FRK: variants seen among roughly 807,000 people sequenced by gnomAD.
FRK encodes the protein fyn related Src family tyrosine kinase.
FRK carries 51 observed loss-of-function variants against 56.4 expected under a neutral mutation model. The ratio of observed to expected loss-of-function variants is 0.90; its 90% confidence interval spans 0.72 to 1.14. FRK has a LOEUF of 1.14. FRK is among the 50% of genes most tolerant of loss of function. The probability of loss-of-function intolerance (pLI) is 0.00; values close to 1 mark genes in which losing one functional copy is unlikely to be tolerated. For synonymous variants in FRK, 245 were observed against 217.9 expected (o/e 1.12, Z -1.10); for missense variants, 570 against 601.4 (o/e 0.95, Z 0.55).
At chr6:115,966,794 T>A (rs1773596713) in intron 4 of FRK, among the ~76,000 whole-genome samples, 1 of 152,186 alleles carries the variant, frequency 6.6e-6, no homozygotes, top group Non-Finnish European at 1.5e-5. Context: ...ATTTACTGAC[T>A]TTTTCCTTAT....
At chr6:116,019,199 A>T (rs1052136875) in intron 1 of FRK, among the ~76,000 whole-genome samples, 172 of 152,210 alleles carry the variant, frequency 1.1e-3, no homozygotes, top group African/African-American at 4.1e-3. Flanking sequence ...ATGTAAGCTC[A>T]AGAGAGTGGA....
chr6:116,005,207 T>G (rs1295375321), intron 1 of FRK, among the ~76,000 whole-genome samples: 1 of 152,194 alleles, frequency 6.6e-6, no homozygotes, highest in Non-Finnish European at 1.5e-5. Flanking sequence ...TAAATTACAG[T>G]ACATTAACTG....
intron 2 of FRK, among the ~76,000 whole-genome samples, chr6:115,995,894 A>G (rs1028350173): frequency 5.9e-5 from 9 of 152,170 alleles, no homozygotes; most frequent in African/African-American, 2.2e-4. Flanking sequence ...GTCACTTGCA[A>G]TTATAGGCAA....
intron 1 of FRK, among the ~76,000 whole-genome samples, chr6:116,042,891 A>G (rs374153964): frequency 6.6e-6 from 1 of 152,232 alleles, no homozygotes; most frequent in South Asian, 2.1e-4. Context: ...ATGGGGGAAT[A>G]TTTACCAAGT....
chr6:116,030,772 G>T (rs1374379266), intron 1 of FRK, among the ~76,000 whole-genome samples: 1 of 152,022 alleles, frequency 6.6e-6, no homozygotes, highest in Non-Finnish European at 1.5e-5. Flanking sequence ...GTGTTTCCCT[G>T]AGTTCTGTGA....
chr6:115,945,305 T>C (rs1582630186), intron 5 of FRK, among the ~76,000 whole-genome samples: 2 of 152,214 alleles, frequency 1.3e-5, no homozygotes, highest in Non-Finnish European at 2.9e-5. Flanking sequence ...TCCACAATGG[T>C]TGAACTAATG....
At chr6:116,072,473 T>C in the FRK span, among the ~76,000 whole-genome samples, 6,433 of 152,076 alleles carry the variant, frequency 0.042, 202 homozygotes, top group Non-Finnish European at 0.062. Flanking sequence ...CAAAGACATA[T>C]GATTTGCTTT....
the FRK span, among the ~76,000 whole-genome samples, chr6:116,097,288 T>C: frequency 6.6e-6 from 1 of 152,224 alleles, no homozygotes; most frequent in Non-Finnish European, 1.5e-5. Flanking sequence ...TTTTCCTATT[T>C]TTTTCCAATT....
intron 2 of FRK, among the ~76,000 whole-genome samples, chr6:115,996,943 T>G (rs1386507456): frequency 6.6e-6 from 1 of 152,212 alleles, no homozygotes; most frequent in Non-Finnish European, 1.5e-5. Flanking sequence ...TTCTCATTAC[T>G]TTTTGAATTG....
At chr6:115,981,436 A>G (rs1774195535) in intron 2 of FRK, among the ~76,000 whole-genome samples, 1 of 152,122 alleles carries the variant, frequency 6.6e-6, no homozygotes, top group Non-Finnish European at 1.5e-5. Context: ...CAATAGAAAC[A>G]TTTAACCACT....
chr6:116,060,167 C>T lies in FRK; in HGVS notation c.145G>A (p.Ala49Thr). 1 of 1,614,152 alleles carries T rather than the reference C, an allele frequency of 6.2e-7. No individual in the cohort carries two copies. The highest frequency in any genetic ancestry group is 2.2e-5 in the East Asian group (1 of 44,884). Residue 49 changes from alanine (A) to threonine (T), a missense_variant, in exon 1 of 8, where the codon GCT (alanine) becomes ACT (threonine). Ala to Thr is a moderately conservative substitution (Grantham distance 58, BLOSUM62 0). Coordinates refer to ENST00000606080, the MANE Select transcript of FRK (RefSeq NM_002031.3). ...QSQRHGHYFVALFDYQARTAE... is the reference protein window; with the variant it reads ...QSQRHGHYFVTLFDYQARTAE... ...GTCCGAGCCTGGTAATCAAACAAAG[C>T]CACAAAGTAGTGGCCATGCCTCTGT...
chr6:116,030,508 T>C (rs910486932), intron 1 of FRK, among the ~76,000 whole-genome samples: 1 of 152,096 alleles, frequency 6.6e-6, no homozygotes, highest in Non-Finnish European at 1.5e-5. Context: ...TAACACATGG[T>C]GGGCTTCTGA....
intron 3 of FRK, among the ~76,000 whole-genome samples, 179 bp downstream of exon 3, chr6:115,968,397 C>T (rs1773668793): frequency 1.3e-5 from 2 of 152,238 alleles, no homozygotes; most frequent in South Asian, 4.1e-4. Flanking sequence ...GCAAATAAAA[C>T]TTATTTACAA....
intron 1 of FRK, among the ~76,000 whole-genome samples, chr6:116,051,980 T>C (rs1381421876): frequency 2.0e-5 from 3 of 152,180 alleles, no homozygotes; most frequent in Non-Finnish European, 4.4e-5. Flanking sequence ...CCCCACAACA[T>C]TAATTTTGTA....
At chr6:116,065,281 G>A (rs1777740271), upstream of FRK, among the ~76,000 whole-genome samples, 1 of 152,186 alleles carries the variant, frequency 6.6e-6, no homozygotes, top group South Asian at 2.1e-4. Flanking sequence ...AGGGCTTAGA[G>A]AGAGCTATCA....
the FRK span, among the ~76,000 whole-genome samples, chr6:116,096,983 C>A: frequency 3.1e-3 from 471 of 152,298 alleles, 9 homozygotes; most frequent in South Asian, 0.04. Context: ...TACGTCCTCC[C>A]TCTCCATCAT....
Position 115,938,886 on chromosome 6 carries a change from CAGAGGTACAA to C in FRK, c.*3518_*3527del, listed in dbSNP as rs1242631114. 1 of 152,100 alleles carries C rather than the reference CAGAGGTACAA, an allele frequency of 6.6e-6. No individual in the cohort carries two copies. The highest frequency in any genetic ancestry group is 1.5e-5 in the Non-Finnish European group (1 of 68,034). 9.4% of individuals were successfully genotyped at this position (152,100 alleles called of 1,614,324 possible). On this transcript the variant is annotated 3_prime_UTR_variant, in exon 8 of 8. Transcript: ENST00000606080. ...AGATAGATTCACAGCCGAATTCTAC[CAGAGGTACAA>C]AGAGGTACAAAGCTAGTACTATTCT...
the FRK span, among the ~76,000 whole-genome samples, chr6:116,079,747 T>C: frequency 6.6e-6 from 1 of 152,110 alleles, no homozygotes; most frequent in African/African-American, 2.4e-5. Flanking sequence ...ATGCTAATTT[T>C]TTAATTTTTT....
chr6:116,057,993 T>G (rs1252228046), intron 1 of FRK, among the ~76,000 whole-genome samples: 3 of 152,204 alleles, frequency 2.0e-5, no homozygotes, highest in Non-Finnish European at 2.9e-5. Context: ...TAAGAGCTCC[T>G]GTTCCCAGAT....
Sources: allele counts gnomAD v4.1 joint callset (sites outside exome capture counted in the v4.1 genomes callset), GRCh38; gene constraint gnomAD v4.1.1; transcripts MANE v1.5; gene names NCBI Gene and HGNC (gene_info 2026-07-23, HGNC 2026-07-21).